ARPIN: variants seen among roughly 807,000 people sequenced by gnomAD.
ARPIN encodes the protein actin related protein 2/3 complex inhibitor.
Under a neutral mutation model 25.9 loss-of-function variants are expected in ARPIN, and 23 were observed. The ratio of observed to expected loss-of-function variants is 0.89; its 90% CI spans 0.64 to 1.26. ARPIN has a LOEUF of 1.26. Ranked by LOEUF, ARPIN falls within the 50% of genes most tolerant of loss-of-function variation. The probability of loss-of-function intolerance (pLI) is 0.00; values close to 1 mark genes in which losing one functional copy is unlikely to be tolerated. For synonymous variants in ARPIN, 126 were observed against 131.4 expected, an observed-to-expected ratio of 0.96 and a Z score of 0.28; for missense variants, 333 against 312.2, an observed-to-expected ratio of 1.07 and a Z score of -0.50.
chr15:89,910,710 T>C, intron 2 of ARPIN, 34 bp downstream of exon 2: 4 of 1,613,320 alleles, frequency 2.5e-6, no homozygotes, highest in Non-Finnish European at 3.4e-6. Flanking sequence ...GTGAAGTCAG[T>C]GCCCTCTAGC....
intron 3 of ARPIN, among the ~76,000 whole-genome samples, chr15:89,907,863 A>G (rs936909246): frequency 2.6e-5 from 4 of 152,234 alleles, no homozygotes; most frequent in African/African-American, 7.2e-5. Context: ...ACACATTTCT[A>G]TTGTTAATAA....
intron 2 of ARPIN, 102 bp downstream of exon 2, chr15:89,910,642 C>A (rs1172197386): frequency 5.5e-6 from 8 of 1,451,756 alleles, no homozygotes; most frequent in Non-Finnish European, 7.6e-6. Context: ...CATCAAGAAT[C>A]CCAACTCATG....
In ARPIN at chr15:89,897,253, G is replaced by C. The variant is rs1896943991; in HGVS notation, c.*4542C>G. ...TAATCCCAGCAATTTGGGAGGCTGA[G>C]GAGTGAGGATCACTTGAGATCAGAA... On this transcript the variant is annotated 3_prime_UTR_variant, in exon 6 of 6. Transcript: ENST00000357484. The C allele has an allele frequency of 6.6e-6, 1 of 152,222 alleles. No homozygotes were observed. Among genetic ancestry groups the C allele is most frequent in the African/African-American group, 2.4e-5 (1 of 41,450 alleles). 9.4% of individuals were successfully genotyped at this position (152,222 alleles called of 1,614,324 possible). A position where few individuals can be genotyped will look rare whatever the true frequency, so the allele number is the denominator to read the frequency against.
rs1332380309 is a variant in ARPIN at position 89,910,833 on chromosome 15, GGAAA to G, written c.93-18_93-15del. 23 of 1,613,832 alleles carry G rather than the reference GGAAA, an allele frequency of 1.4e-5. No homozygotes were observed. The highest frequency in any genetic ancestry group is 1.7e-5 in the Non-Finnish European group (20 of 1,179,942). On this transcript the variant is annotated splice_polypyrimidine_tract_variant and intron_variant, in intron 1 of 5. Transcript: ENST00000357484. ...ACACCATTTCCCCTGGGGATGAAAG[GGAAA>G]GAAAGGATAGCCAGTTTTGTCAGTC... is the stretch of plus-strand genomic sequence containing the variant.
chr15:89,912,600 A>T, intron 1 of ARPIN, 144 bp downstream of exon 1: 2 of 1,341,836 alleles, frequency 1.5e-6, no homozygotes, highest in South Asian at 3.7e-5. Flanking sequence ...GGAGCGGCGG[A>T]CTGGAGGGGC....
chr15:89,901,385 G>T lies in ARPIN; in HGVS notation c.*410C>A. 4.6e-6 allele frequency: 1 copy of T among 219,710 alleles called. No homozygotes were observed. Among genetic ancestry groups the T allele is most frequent in the South Asian group, 7.4e-5 (1 of 13,520 alleles). 13.6% of individuals were successfully genotyped at this position (219,710 alleles called of 1,614,324 possible). ...CAAACAAAGCTGCTATCCAGGGCCA[G>T]GGTCAACATGAGGCTGGGTGCAGTG... On this transcript the variant is annotated 3_prime_UTR_variant, in exon 6 of 6. Coordinates refer to ENST00000357484, the MANE Select transcript of ARPIN (RefSeq NM_182616.4).
chr15:89,905,556 G>A (rs770588498), intron 3 of ARPIN, among the ~76,000 whole-genome samples: 17 of 151,908 alleles, frequency 1.1e-4, no homozygotes, highest in East Asian at 1.9e-4. Flanking sequence ...CAGAGTCACC[G>A]GTGAGCTCTT....
intron 3 of ARPIN, among the ~76,000 whole-genome samples, chr15:89,906,959 A>G (rs1325801673): frequency 6.6e-6 from 1 of 151,904 alleles, no homozygotes; most frequent in East Asian, 1.9e-4. Context: ...TGTCTCAGAC[A>G]GCAAAAGAAA....
chr15:89,896,221 G>T lies in ARPIN; in HGVS notation c.*5574C>A, dbSNP rs1294274486. On this transcript the variant is annotated 3_prime_UTR_variant, in exon 6 of 6. Transcript: ENST00000357484. ...GTTTTTAAATAAATAAAAACCAAAA[G>T]TCAGTTGCACTGAAACTTGACAAAA... is the stretch of plus-strand genomic sequence containing the variant. 6.6e-6 allele frequency: 1 copy of T among 152,170 alleles called. No homozygotes were observed. Among genetic ancestry groups the T allele is most frequent in the Non-Finnish European group, 1.5e-5 (1 of 68,026 alleles). The allele number at this position is 152,170 out of a possible 1,614,324, so 9.4% of individuals were successfully genotyped here. A position where few individuals can be genotyped will look rare whatever the true frequency, so the allele number is the denominator to read the frequency against.
intron 3 of ARPIN, among the ~76,000 whole-genome samples, chr15:89,907,221 C>T (rs1487863753): frequency 6.6e-6 from 1 of 151,850 alleles, no homozygotes; most frequent in Non-Finnish European, 1.5e-5. Context: ...GTGCACGCCA[C>T]CATGCCCAGC....
At chr15:89,905,023 CCT>C (rs1491129256) in intron 3 of ARPIN, among the ~76,000 whole-genome samples, 2 of 102,556 alleles carry the variant, frequency 2.0e-5, no homozygotes, top group Admixed American at 1.3e-4. Context: ...ACCTGTCAAC[CCT>C]TTTTTTTTTT....
In ARPIN at chr15:89,912,755, G is replaced by A. The variant is rs1212778389; in HGVS notation, c.81C>T (p.Ala27=). ...SVRLPGAWDP[A]AHQGGNGVLL... is the part of the protein sequence containing the mutation. ...GAGCCCAGGCCTACCCCTGGTGGGCGGCGGGGTCCCAGGCCCCTGGCAGCC... is the reference window on the plus strand; with the variant it reads ...GAGCCCAGGCCTACCCCTGGTGGGCAGCGGGGTCCCAGGCCCCTGGCAGCC... The change falls in exon 1 of 6, where the codon GCC becomes GCT. Residue 27 remains alanine, a synonymous_variant. Transcript: ENST00000357484. The A allele has an allele frequency of 2.0e-6, 3 of 1,480,858 alleles. No homozygotes were observed. The highest frequency in any genetic ancestry group is 2.3e-5 in the Admixed American group (1 of 44,050). The allele number at this position is 1,480,858 out of a possible 1,614,324, so 91.7% of individuals were successfully genotyped here. A position where few individuals can be genotyped will look rare whatever the true frequency, so the allele number is the denominator to read the frequency against.
In ARPIN at chr15:89,912,917, G is replaced by A. The variant is rs1416646497; in HGVS notation, c.-82C>T. The A allele has an allele frequency of 2.1e-6, 3 of 1,404,992 alleles. No homozygotes were observed. The highest frequency in any genetic ancestry group is 1.5e-5 in the African/African-American group (1 of 65,588). The allele number at this position is 1,404,992 out of a possible 1,614,324, so 87.0% of individuals were successfully genotyped here. On this transcript the variant is annotated 5_prime_UTR_variant, in exon 1 of 6. Coordinates refer to ENST00000357484, the MANE Select transcript of ARPIN (RefSeq NM_182616.4). The stretch of plus-strand genomic sequence containing the variant: ...GCGCGGGAAGTGCTGCAGGACGCGC[G>A]GGGACCCGCGATTCCCAGCCGGCGG...
Position 89,903,175 on chromosome 15 carries a change from T to C in ARPIN, c.672+41A>G, listed in dbSNP as rs765780248. The C allele has an allele frequency of 4.3e-6, 7 of 1,614,120 alleles. No individual in the cohort carries two copies. In the South Asian group the frequency reaches 6.6e-5, roughly 15 times the overall value. On this transcript the variant is annotated intron_variant, in intron 5 of 5. Transcript: ENST00000357484. ...CAACCTCAACCAGTATGTACCATGC[T>C]CCTGCCAGGAGATACAACTGCACCA...
rs949821755 is a variant in ARPIN, at chr15:89,912,897, G to C, written c.-62C>G. On this transcript the variant is annotated 5_prime_UTR_variant, in exon 1 of 6. Coordinates refer to ENST00000357484, the MANE Select transcript of ARPIN (RefSeq NM_182616.4). The stretch of plus-strand genomic sequence containing the variant: ...CGCACTGGGCTGGGGGCGCGGCGCG[G>C]GAAGTGCTGCAGGACGCGCGGGGAC... 13 of 1,460,734 alleles carry C rather than the reference G, an allele frequency of 8.9e-6. No homozygotes were observed. Among genetic ancestry groups the C allele is most frequent in the Non-Finnish European group, 1.2e-5 (13 of 1,113,380 alleles). 90.5% of individuals were successfully genotyped at this position (1,460,734 alleles called of 1,614,324 possible).
intron 1 of ARPIN, among the ~76,000 whole-genome samples, chr15:89,911,147 A>G (rs1443362523): frequency 1.3e-5 from 2 of 151,614 alleles, no homozygotes; most frequent in Non-Finnish European, 1.5e-5. Flanking sequence ...ACACAAGATC[A>G]TGTGTGTGAA....
chr15:89,902,824 C>G, intron 5 of ARPIN: 1 of 1,144,496 alleles, frequency 8.7e-7, no homozygotes, highest in Non-Finnish European at 1.1e-6. Context: ...TCTCCAGACA[C>G]TTCAGGCAAG....
rs1897160066 is a variant in ARPIN, at chr15:89,908,265, G to A, written c.301+15C>T. On this transcript the variant is annotated intron_variant, in intron 3 of 5. Transcript: ENST00000357484. ...GAGGGCCCTGAGGGAGAGAGGGAGG[G>A]CAGAGGATACCTACTGTAGGACGAC... 6.2e-7 allele frequency: 1 copy of A among 1,613,706 alleles called. No homozygotes were observed. Among genetic ancestry groups the A allele is most frequent in the Non-Finnish European group, 8.5e-7 (1 of 1,179,838 alleles).
At chr15:89,902,444 T>C (rs1488510072) in intron 5 of ARPIN, among the ~76,000 whole-genome samples, 1 of 151,846 alleles carries the variant, frequency 6.6e-6, no homozygotes, top group Non-Finnish European at 1.5e-5. Flanking sequence ...TAAATGTTCA[T>C]TTTGGGGCCT....
Sources: gnomAD v4.1 joint callset for allele counts (sites outside exome capture counted in the v4.1 genomes callset) on GRCh38, gnomAD v4.1.1 for gene constraint, MANE v1.5 for transcripts, NCBI Gene and HGNC (gene_info 2026-07-23, HGNC 2026-07-21) for gene names.